Variants in OTOGL observed in about 807,000 individuals in gnomAD.
The protein encoded by OTOGL is otogelin-like protein.
Under a neutral mutation model 318.5 loss-of-function variants are expected in OTOGL, and 285 were observed. The ratio of observed to expected loss-of-function variants is 0.89; its 90% confidence interval spans 0.81 to 0.99. OTOGL has a LOEUF of 0.99. Among genes scored for constraint, OTOGL ranks in the 50% least tolerant of loss-of-function variants. The pLI, the probability that OTOGL is intolerant of heterozygous loss-of-function variation, is 0.00. For missense variants in OTOGL, 2,899 were observed against 2,845.6 expected (o/e 1.02, Z -0.43); for synonymous variants, 987 against 936.5 (o/e 1.05, Z -0.99).
chr12:80,299,393 G>T (rs1027873963), intron 27 of OTOGL, among the ~76,000 whole-genome samples: 12 of 152,088 alleles, frequency 7.9e-5, no homozygotes, highest in African/African-American at 2.7e-4. Context: ...TCTTTGAAGT[G>T]GTGATTGCAA....
intron 1 of OTOGL, among the ~76,000 whole-genome samples, chr12:80,110,268 C>T (rs1184320980): frequency 3.9e-5 from 6 of 152,102 alleles, no homozygotes; most frequent in Non-Finnish European, 5.9e-5. Flanking sequence ...GGGGTTTCAC[C>T]GTGTTAGCCA....
chr12:80,236,872 T>C (rs535792621), intron 9 of OTOGL, among the ~76,000 whole-genome samples: 2 of 150,704 alleles, frequency 1.3e-5, no homozygotes, highest in South Asian at 4.2e-4. Flanking sequence ...TGGAGTGCAG[T>C]GGCGCGATCT....
chr12:80,234,055 C>A (rs1202819557), intron 9 of OTOGL, among the ~76,000 whole-genome samples: 2 of 152,006 alleles, frequency 1.3e-5, no homozygotes, highest in Admixed American at 1.3e-4. Flanking sequence ...CCTCTCCTTT[C>A]TTTTCTTTTC....
Position 80,353,489 on chromosome 12 carries a change from T to C in OTOGL, c.5572T>C (p.Cys1858Arg). ...TILHRPHSAQ[C>R]IPEKECACTD... ...TCTTCACAGGCCACATTCAGCCCAG[T>C]GCATTCCAGAGAAAGAGTGTGGTAA... The change falls in exon 46 of 59, where the codon TGC (cysteine) becomes CGC (arginine). Residue 1858 changes from cysteine to arginine, a missense_variant. Transcript: ENST00000547103. 6.3e-7 allele frequency: 1 copy of C among 1,584,110 alleles called. No individual in the cohort carries two copies. The highest frequency in any genetic ancestry group is 1.2e-5 in the South Asian group (1 of 84,160).
At position 80,122,921 on chromosome 12, in the gene OTOGL, T is replaced by C. The variant is rs559373005; in HGVS notation, c.-20+23316T>C. Among the ~76,000 whole-genome samples, 31 of 152,188 alleles carry C rather than the reference T, an allele frequency of 2.0e-4. No individual in the cohort carries two copies. The East Asian group carries it at 4.2e-3, about 21-fold the overall frequency. On this transcript the variant is annotated intron_variant, in intron 1 of 58. Coordinates refer to ENST00000547103, the MANE Select transcript of OTOGL (RefSeq NM_001378609.3). ...TTTTATTTTTATTTTTTATTTTTTC[T>C]CCCTCTTGCTCACTTTCCCTGGAGT...
At chr12:80,149,227 T>G (rs1371764284) in intron 1 of OTOGL, among the ~76,000 whole-genome samples, 1 of 152,064 alleles carries the variant, frequency 6.6e-6, no homozygotes, top group East Asian at 1.9e-4. Context: ...TACAGATGGG[T>G]TTTTGGTGTG....
Position 80,356,838 on chromosome 12 carries a change from A to T in OTOGL, c.5943A>T (p.Ser1981=). 6.3e-7 allele frequency: 1 copy of T among 1,594,734 alleles called. No individual in the cohort carries two copies. Among genetic ancestry groups the T allele is most frequent in the East Asian group, 2.3e-5 (1 of 43,810 alleles). The part of the protein sequence containing the change: ...ECDPLKCPSI[S]TPECREDQFM... ...ACCCATTGAAATGCCCCAGTATTTC[A>T]ACACCAGAATGCAGAGAAGATCAAT... The change falls in exon 49 of 59, where the codon TCA becomes TCT. Residue 1981 remains serine, a synonymous_variant. Coordinates refer to ENST00000547103, the MANE Select transcript of OTOGL (RefSeq NM_001378609.3).
intron 1 of OTOGL, among the ~76,000 whole-genome samples, chr12:80,172,276 T>C (rs542174245): frequency 1.4e-5 from 2 of 142,254 alleles, no homozygotes; most frequent in South Asian, 4.3e-4. Flanking sequence ...TAGATCACCA[T>C]AATAGGAAGT....
chr12:80,211,493 T>C (rs1877252408), intron 3 of OTOGL, among the ~76,000 whole-genome samples: 1 of 152,108 alleles, frequency 6.6e-6, no homozygotes, highest in African/African-American at 2.4e-5. Flanking sequence ...TTTTGATAAA[T>C]TGCAATTTGA....
At chr12:80,145,263 C>G (rs1412118588) in intron 1 of OTOGL, among the ~76,000 whole-genome samples, 1 of 151,742 alleles carries the variant, frequency 6.6e-6, no homozygotes, top group Non-Finnish European at 1.5e-5. Context: ...CCAGTATCAG[C>G]TTTCTACATA....
At chr12:80,148,663 C>G (rs182855279) in intron 1 of OTOGL, among the ~76,000 whole-genome samples, 1 of 152,166 alleles carries the variant, frequency 6.6e-6, no homozygotes, top group Non-Finnish European at 1.5e-5. Context: ...CAACTTGGTT[C>G]CATTCTCCTC....
intron 1 of OTOGL, among the ~76,000 whole-genome samples, chr12:80,146,905 T>A (rs1872412429): frequency 2.5e-5 from 3 of 121,358 alleles, no homozygotes; most frequent in Admixed American, 2.3e-4. Context: ...GGTGGTGATA[T>A]CCCTTTTATC....
At chr12:80,219,504 G>A (rs971418913) in intron 5 of OTOGL, among the ~76,000 whole-genome samples, 4 of 152,300 alleles carry the variant, frequency 2.6e-5, no homozygotes, top group Non-Finnish European at 4.4e-5. Context: ...TGTATTTCTG[G>A]TTCTCATCAT....
chr12:80,300,329 G>T (rs1431796297), intron 27 of OTOGL, among the ~76,000 whole-genome samples: 1 of 151,968 alleles, frequency 6.6e-6, no homozygotes, highest in African/African-American at 2.4e-5. Context: ...TTGGCACTTG[G>T]GTATGCTTGC....
At position 80,367,681 on chromosome 12, in the gene OTOGL, A is replaced by G; in HGVS notation, c.6452A>G (p.His2151Arg). ...GAGTGTCTGGAAGAAAAAGATAACC[A>G]TACGGGCTTTCACACTCTGAATTTT... ...AIECLEEKDN[H>R]TGFHTLNFTL... Residue 2151 changes from histidine (H) to arginine (R), a missense_variant, in exon 54 of 59, where the codon CAT (histidine) becomes CGT (arginine). By Grantham distance (29) the His-to-Arg change is conservative. This residue lies in a region of OTOGL where 289 missense variants were observed against 304.6 expected (regional missense o/e 0.95). Transcript: ENST00000547103. 19 of 1,495,166 alleles carry G rather than the reference A, an allele frequency of 1.3e-5. No homozygotes were observed. The highest frequency in any genetic ancestry group is 1.7e-5 in the Non-Finnish European group (19 of 1,120,468). 92.6% of individuals were successfully genotyped at this position (1,495,166 alleles called of 1,614,324 possible).
At chr12:80,339,302 T>TTTG in intron 43 of OTOGL, 38 bp downstream of exon 43, 11 of 874,298 alleles carry the variant, frequency 1.3e-5, no homozygotes, top group Non-Finnish European at 1.3e-5. Flanking sequence ...TCGTCTGTTT[T>TTTG]TTTTTTTTTT....
At chr12:80,135,096 G>C (rs779710684) in intron 1 of OTOGL, among the ~76,000 whole-genome samples, 1 of 152,028 alleles carries the variant, frequency 6.6e-6, no homozygotes, top group Non-Finnish European at 1.5e-5. Flanking sequence ...ACCACAGATG[G>C]TGTAGTTACC....
intron 19 of OTOGL, among the ~76,000 whole-genome samples, chr12:80,263,922 G>A (rs1882745642): frequency 6.6e-6 from 1 of 151,874 alleles, no homozygotes; most frequent in African/African-American, 2.4e-5. Flanking sequence ...GAATATATAT[G>A]TAAACAGTAT....
chr12:80,193,749 G>A (rs1875858503), intron 1 of OTOGL, among the ~76,000 whole-genome samples: 1 of 152,196 alleles, frequency 6.6e-6, no homozygotes, highest in African/African-American at 2.4e-5. Flanking sequence ...GAGTATAACT[G>A]AGAGGGAGGA....
Sources: allele counts gnomAD v4.1 joint callset (sites outside exome capture counted in the v4.1 genomes callset), GRCh38; gene constraint gnomAD v4.1.1; regional missense constraint gnomAD v4.1.1; transcripts MANE v1.5; gene names NCBI Gene and HGNC (gene_info 2026-07-23, HGNC 2026-07-21).